Variants in PLEKHG1 observed in about 807,000 individuals in gnomAD.
PLEKHG1 encodes pleckstrin homology and RhoGEF domain containing G1.
PLEKHG1 carries 44 observed loss-of-function variants against 100.8 expected under a neutral mutation model. The observed-to-expected ratio is 0.44, with a 90% CI of 0.34 to 0.56. PLEKHG1 has a LOEUF of 0.56. PLEKHG1 is among the 20% of genes least tolerant of loss of function. PLEKHG1 has a pLI of 0.01. For synonymous variants in PLEKHG1, 640 were observed against 662.5 expected (o/e 0.97, Z 0.52); for missense variants, 1,545 against 1,720.9 (o/e 0.90, Z 1.81).
intron 1 of PLEKHG1, among the ~76,000 whole-genome samples, chr6:150,634,305 C>G (rs1435830959): frequency 6.7e-6 from 1 of 149,464 alleles, no homozygotes; most frequent in Non-Finnish European, 1.5e-5. Context: ...TGTGATCAAG[C>G]AGCCACATGG....
chr6:150,774,630 C>T (rs934845059), intron 3 of PLEKHG1, among the ~76,000 whole-genome samples: 16 of 141,648 alleles, frequency 1.1e-4, no homozygotes, highest in African/African-American at 4.1e-4. Flanking sequence ...CAGCCTCCAT[C>T]TCCCGGGTTA....
intron 3 of PLEKHG1, among the ~76,000 whole-genome samples, chr6:150,690,293 G>A (rs1038281411): frequency 1.3e-5 from 2 of 151,910 alleles, no homozygotes; most frequent in Non-Finnish European, 2.9e-5. Context: ...AGATGTGTGG[G>A]ATCCTGGTGC....
At chr6:150,826,315 G>A (rs78185831) in intron 14 of PLEKHG1, among the ~76,000 whole-genome samples, 4 of 152,100 alleles carry the variant, frequency 2.6e-5, no homozygotes, top group South Asian at 2.1e-4. Context: ...AAAATTAGCC[G>A]GGCATAGCGG....
chr6:150,788,938 C>A (rs1475533703), intron 4 of PLEKHG1, among the ~76,000 whole-genome samples: 1 of 152,154 alleles, frequency 6.6e-6, no homozygotes, highest in East Asian at 1.9e-4. Flanking sequence ...TGAAATTATC[C>A]TCAAGGAAGT....
At chr6:150,731,070 CTTG>C (rs1168806607) in intron 1 of PLEKHG1, among the ~76,000 whole-genome samples, 3 of 152,028 alleles carry the variant, frequency 2.0e-5, no homozygotes, top group Admixed American at 6.6e-5. Flanking sequence ...GAAAGGAAAC[CTTG>C]TTGTGTCCAC....
At chr6:150,806,711 C>G (rs1321710014) in intron 7 of PLEKHG1, among the ~76,000 whole-genome samples, 1 of 151,046 alleles carries the variant, frequency 6.6e-6, no homozygotes, top group Non-Finnish European at 1.5e-5. Context: ...ACCTGTAACC[C>G]CAGCTACTTG....
At chr6:150,608,259 ATAT>A (rs1776684515) in intron 1 of PLEKHG1, among the ~76,000 whole-genome samples, 3 of 152,144 alleles carry the variant, frequency 2.0e-5, no homozygotes, top group African/African-American at 7.2e-5. Flanking sequence ...ATGGAAGCAA[ATAT>A]TATGAAGTTC....
At chr6:150,687,440 A>G (rs1325310117) in intron 3 of PLEKHG1, among the ~76,000 whole-genome samples, 1 of 152,152 alleles carries the variant, frequency 6.6e-6, no homozygotes, top group Non-Finnish European at 1.5e-5. Context: ...TTTTGTTACT[A>G]TCGTTTTGAG....
chr6:150,616,769 T>C (rs574135564), intron 1 of PLEKHG1, among the ~76,000 whole-genome samples: 1 of 152,216 alleles, frequency 6.6e-6, no homozygotes, highest in African/African-American at 2.4e-5. Flanking sequence ...AAAAGTAATA[T>C]GCACTACTTG....
At chr6:150,772,738 G>T (rs1297193853) in intron 3 of PLEKHG1, among the ~76,000 whole-genome samples, 1 of 152,184 alleles carries the variant, frequency 6.6e-6, no homozygotes, top group African/African-American at 2.4e-5. Flanking sequence ...TAACTGCTGT[G>T]TATATTATCC....
Position 150,810,543 on chromosome 6 carries a change from A to AAAGAAAGAAAGAAAGAAAGAAAGAAAGG in PLEKHG1, c.1278+812_1278+813insAAAGAAAGAAAGAAAGAAAGAAAGGAAG, listed in dbSNP as rs754046929. Among the ~76,000 whole-genome samples the AAAGAAAGAAAGAAAGAAAGAAAGAAAGG allele has an allele frequency of 4.2e-3, 615 of 146,858 alleles. 8 individuals carry two copies. Among genetic ancestry groups the AAAGAAAGAAAGAAAGAAAGAAAGAAAGG allele is most frequent in the Non-Finnish European group, 6.2e-3 (409 of 66,002 alleles). On this transcript the variant is annotated intron_variant, in intron 10 of 15. Transcript: ENST00000358517. ...GAAAGAAAGAAAGAAAGAAAGGAAG[A>AAAGAAAGAAAGAAAGAAAGAAAGAAAGG]AAGGAAGGAAAGAAAGAAAGAAAAT...
Position 150,639,545 on chromosome 6 carries a change from CT to C in PLEKHG1, c.-158+1432del, listed in dbSNP as rs1160137411. 1.9e-3 allele frequency among the ~76,000 whole-genome samples: 271 copies of C among 144,326 alleles called. 1 individual carries two copies. The highest frequency in any genetic ancestry group is 7.2e-3 in the Middle Eastern group (2 of 278). 94.7% of individuals were successfully genotyped at this position (144,326 alleles called of 152,430 possible). A position where few individuals can be genotyped will look rare whatever the true frequency, so the allele number is the denominator to read the frequency against. On this transcript the variant is annotated intron_variant, in intron 2 of 3. Transcript: ENST00000367326. ...GTCCTTTAACAAATCTGTTCCTATCCTTTTTTTTTTTTATTTTGAAAAACAA... is the reference window on the plus strand; with the variant it reads ...GTCCTTTAACAAATCTGTTCCTATCCTTTTTTTTTTTATTTTGAAAAACAA...
chr6:150,746,504 A>G (rs570676095), intron 2 of PLEKHG1, among the ~76,000 whole-genome samples: 6 of 152,340 alleles, frequency 3.9e-5, no homozygotes, highest in African/African-American at 1.4e-4. Flanking sequence ...AACTGCCACA[A>G]ATATCCTTAA....
chr6:150,732,077 T>C (rs1298450191), intron 1 of PLEKHG1, among the ~76,000 whole-genome samples: 2 of 151,286 alleles, frequency 1.3e-5, no homozygotes, highest in Non-Finnish European at 2.9e-5. Flanking sequence ...TTCTCCTGCC[T>C]CAGCCTCCCG....
At chr6:150,639,767 A>G (rs1252520870) in intron 2 of PLEKHG1, among the ~76,000 whole-genome samples, 1 of 152,174 alleles carries the variant, frequency 6.6e-6, no homozygotes, top group African/African-American at 2.4e-5. Flanking sequence ...ACTGGGAGGC[A>G]GACCAGAGGG....
chr6:150,721,268 G>C, intron 1 of PLEKHG1: 2 of 680,426 alleles, frequency 2.9e-6, no homozygotes, highest in Non-Finnish European at 3.6e-6. Context: ...TCTGGGAGCA[G>C]CCAGAGAGGT....
At chr6:150,804,585 AAACC>A in intron 6 of PLEKHG1, 21 bp from the exon 8 acceptor site, 1 of 1,550,980 alleles carries the variant, frequency 6.4e-7, no homozygotes, top group Non-Finnish European at 8.7e-7. Flanking sequence ...AAAAAAAAAA[AAACC>A]CTCGTTCTTT....
At chr6:150,631,026 G>A (rs1777727222) in intron 1 of PLEKHG1, among the ~76,000 whole-genome samples, 1 of 152,186 alleles carries the variant, frequency 6.6e-6, no homozygotes, top group Non-Finnish European at 1.5e-5. Flanking sequence ...GGGGGCCAAA[G>A]TCTGATGATC....
At chr6:150,806,758 G>T (rs974078784) in intron 7 of PLEKHG1, among the ~76,000 whole-genome samples, 17 of 146,638 alleles carry the variant, frequency 1.2e-4, no homozygotes, top group African/African-American at 4.4e-4. Context: ...AACACAGGAG[G>T]CAGAGAGGTT....
Sources: allele counts gnomAD v4.1 joint callset (sites outside exome capture counted in the v4.1 genomes callset), GRCh38; gene constraint gnomAD v4.1.1; transcripts MANE v1.5; gene names NCBI Gene and HGNC (gene_info 2026-07-23, HGNC 2026-07-21).